NGF: variants seen among roughly 807,000 people sequenced by gnomAD.
NGF encodes nerve growth factor, also known as beta-nerve growth factor.
NGF carries 4 observed loss-of-function variants against 12.8 expected under a neutral mutation model. That is an observed-to-expected ratio of 0.31 (90% CI 0.15 to 0.72). The LOEUF (loss-of-function observed/expected upper bound fraction) is 0.72, where lower values mean the gene tolerates loss of function less well. NGF is among the 30% of genes least tolerant of loss of function. The pLI is 0.69. For synonymous variants in NGF, 140 were observed against 130.0 expected (o/e 1.08, Z -0.52); for missense variants, 283 against 330.8 (o/e 0.86, Z 1.12).
At chr1:115,299,632 T>A (rs1653974823) in intron 1 of NGF, among the ~76,000 whole-genome samples, 1 of 152,220 alleles carries the variant, frequency 6.6e-6, no homozygotes, top group Non-Finnish European at 1.5e-5. Flanking sequence ...TTTGCAAGAA[T>A]GTAGGGCTAA....
chr1:115,325,393 T>G (rs967544750), intron 1 of NGF, among the ~76,000 whole-genome samples: 1 of 151,882 alleles, frequency 6.6e-6, no homozygotes, highest in Non-Finnish European at 1.5e-5. Flanking sequence ...CCTGTGCATG[T>G]TGTTTTGCTG....
At position 115,336,463 on chromosome 1, in the gene NGF, G is replaced by C. The variant is rs186572031; in HGVS notation, c.-137+1741C>G. Among the ~76,000 whole-genome samples, 104 of 152,272 alleles carry C rather than the reference G, an allele frequency of 6.8e-4. No individual in the cohort carries two copies. The Middle Eastern group carries it at 0.01, about 15-fold the overall frequency. On this transcript the variant is annotated intron_variant, in intron 1 of 2. Transcript: ENST00000369512. Reference sequence around the variant, plus strand: ...TCAACAAGAGGAATGTTCACTTTCTGTGTGAGTCAATTCCAGCTAGGCCAG... The same window carrying C: ...TCAACAAGAGGAATGTTCACTTTCTCTGTGAGTCAATTCCAGCTAGGCCAG...
At chr1:115,337,302 T>TTTTTTTTTTTTTTG in intron 1 of NGF, among the ~76,000 whole-genome samples, 1 of 122,714 alleles carries the variant, frequency 8.1e-6, no homozygotes, top group South Asian at 2.7e-4. Context: ...TTTTTTTTTT[T>TTTTTTTTTTTTTTG]TTTAGAAGGA....
intron 2 of NGF, 95 bp from the exon 3 acceptor site, chr1:115,286,902 T>C: frequency 6.8e-7 from 1 of 1,462,118 alleles, no homozygotes; most frequent in South Asian, 1.1e-5. Flanking sequence ...CCCAAGGGGA[T>C]CACGAAGAGG....
chr1:115,297,792 T>G lies in NGF; in HGVS notation c.-136-4042A>C, dbSNP rs115208992. ...TCCTCTGTAGCAGTGGTTCTCAACT[T>G]TGGTTGTAGCTTGGAATCTTCTGGG... On this transcript the variant is annotated intron_variant, in intron 1 of 2. Transcript: ENST00000369512. Among the ~76,000 whole-genome samples the G allele has an allele frequency of 7.6e-4, 116 of 152,288 alleles. 1 individual carries two copies. Among genetic ancestry groups the G allele is most frequent in the African/African-American group, 2.7e-3 (113 of 41,562 alleles).
chr1:115,298,147 G>A (rs932654284), intron 1 of NGF, among the ~76,000 whole-genome samples: 16 of 152,116 alleles, frequency 1.1e-4, no homozygotes, highest in African/African-American at 1.7e-4. Flanking sequence ...CCTGACCCAC[G>A]CCCAGTTGTC....
At chr1:115,336,842 A>G (rs1398432631) in intron 1 of NGF, among the ~76,000 whole-genome samples, 3 of 152,188 alleles carry the variant, frequency 2.0e-5, no homozygotes, top group Admixed American at 1.3e-4. Context: ...TCATTTCTGC[A>G]TTTGCAGAGT....
intron 1 of NGF, among the ~76,000 whole-genome samples, chr1:115,314,253 C>T (rs920251591): frequency 2.0e-5 from 3 of 152,276 alleles, no homozygotes; most frequent in Non-Finnish European, 2.9e-5. Flanking sequence ...TGGATCCAAT[C>T]GACCCTTCTG....
At position 115,316,164 on chromosome 1, in the gene NGF, C is replaced by T. The variant is rs541934012; in HGVS notation, c.-137+22040G>A. ...GGGCCCTAGAGTCTTGTCTTTGCTG[C>T]TCTGTGACATGGGGAAGTCATCACC... On this transcript the variant is annotated intron_variant, in intron 1 of 2. Transcript: ENST00000369512. Among the ~76,000 whole-genome samples, 89 of 152,276 alleles carry T rather than the reference C, an allele frequency of 5.8e-4. 2 individuals carry two copies. In the Middle Eastern group the frequency reaches 0.014, roughly 23 times the overall value.
At chr1:115,321,931 A>G (rs924215239) in intron 1 of NGF, among the ~76,000 whole-genome samples, 4 of 152,208 alleles carry the variant, frequency 2.6e-5, no homozygotes, top group Admixed American at 6.5e-5. Context: ...GTGAGGACGC[A>G]GTCATACTTG....
At chr1:115,333,679 TTCTTTCTTTCTTTC>T (rs1420595974) in intron 1 of NGF, among the ~76,000 whole-genome samples, 5 of 66,354 alleles carry the variant, frequency 7.5e-5, no homozygotes, top group Middle Eastern at 9.6e-3. Flanking sequence ...CTTTCTTTCT[TTCTTTCTTTCTTTC>T]TTTCTTTCTT....
intron 1 of NGF, among the ~76,000 whole-genome samples, chr1:115,334,007 A>G (rs1017131673): frequency 6.6e-6 from 1 of 152,112 alleles, no homozygotes; most frequent in Non-Finnish European, 1.5e-5. Context: ...GGTACTATAA[A>G]TAAACAAATA....
At chr1:115,292,614 C>T (rs781156311) in intron 2 of NGF, among the ~76,000 whole-genome samples, 6 of 152,082 alleles carry the variant, frequency 3.9e-5, no homozygotes, top group Admixed American at 6.6e-5. Context: ...AGGGCCAGTC[C>T]GTGAACACCT....
At chr1:115,311,813 A>G (rs756505899) in intron 1 of NGF, among the ~76,000 whole-genome samples, 19 of 152,222 alleles carry the variant, frequency 1.2e-4, no homozygotes, top group Non-Finnish European at 1.3e-4. Flanking sequence ...TATGTAAATC[A>G]AATAAATGTG....
intron 2 of NGF, among the ~76,000 whole-genome samples, chr1:115,288,214 TGTGA>T (rs1247677445): frequency 2.0e-5 from 3 of 152,282 alleles, no homozygotes; most frequent in South Asian, 2.1e-4. Flanking sequence ...TTCATGTGAG[TGTGA>T]GTGTGTGTGT....
At chr1:115,319,477 G>T (rs899142903) in intron 1 of NGF, among the ~76,000 whole-genome samples, 1 of 152,168 alleles carries the variant, frequency 6.6e-6, no homozygotes, top group African/African-American at 2.4e-5. Flanking sequence ...CACTGCTACT[G>T]CAAAACCCTC....
At chr1:115,289,583 G>A (rs752164410) in intron 2 of NGF, among the ~76,000 whole-genome samples, 2 of 152,048 alleles carry the variant, frequency 1.3e-5, no homozygotes, top group Non-Finnish European at 2.9e-5. Flanking sequence ...ATAGATACTG[G>A]CATTTTAAAT....
chr1:115,338,012 C>T (rs1655185396), intron 1 of NGF, among the ~76,000 whole-genome samples, 192 bp downstream of exon 1: 1 of 152,188 alleles, frequency 6.6e-6, no homozygotes, highest in African/African-American at 2.4e-5. Context: ...CTCGTCCTCC[C>T]GCGAGGGTCC....
At chr1:115,332,703 T>C (rs1041195733) in intron 1 of NGF, among the ~76,000 whole-genome samples, 3 of 152,164 alleles carry the variant, frequency 2.0e-5, no homozygotes, top group African/African-American at 7.2e-5. Context: ...AATATCTTTG[T>C]CTTACAGATG....
Sources: gnomAD v4.1 joint callset for allele counts (sites outside exome capture counted in the v4.1 genomes callset) on GRCh38, gnomAD v4.1.1 for gene constraint, MANE v1.5 for transcripts, NCBI Gene and HGNC (gene_info 2026-07-23, HGNC 2026-07-21) for gene names.